Variants in NAALADL2 observed in about 807,000 individuals in gnomAD.
The protein encoded by NAALADL2 is inactive N-acetylated-alpha-linked acidic dipeptidase-like protein 2.
A neutral mutation model predicts 87.2 loss-of-function variants in NAALADL2; 76 were observed. That is an observed-to-expected ratio of 0.87 (90% CI 0.72 to 1.05). The LOEUF (loss-of-function observed/expected upper bound fraction) is 1.05, where lower values mean the gene tolerates loss of function less well. Ranked by LOEUF, NAALADL2 falls within the 50% of genes least tolerant of loss-of-function variation. The probability of loss-of-function intolerance (pLI) is 0.00; values close to 1 mark genes in which losing one functional copy is unlikely to be tolerated. For synonymous variants in NAALADL2, 354 were observed against 331.0 expected (o/e 1.07, Z -0.75); for missense variants, 1,089 against 945.8 (o/e 1.15, Z -1.99).
intron 1 of NAALADL2, among the ~76,000 whole-genome samples, chr3:175,085,202 T>C (rs892200618): frequency 6.6e-6 from 1 of 152,148 alleles, no homozygotes; most frequent in Admixed American, 6.6e-5. Flanking sequence ...ACTTGCATGA[T>C]TGAGGGCAAG....
chr3:175,555,869 A>G (rs570649487), intron 9 of NAALADL2, among the ~76,000 whole-genome samples: 1 of 152,310 alleles, frequency 6.6e-6, no homozygotes, highest in African/African-American at 2.4e-5. Flanking sequence ...TAGGATTCTT[A>G]GCGGAAAATT....
At chr3:175,198,856 C>A (rs1225280116) in intron 2 of NAALADL2, among the ~76,000 whole-genome samples, 2 of 150,466 alleles carry the variant, frequency 1.3e-5, no homozygotes, top group East Asian at 3.9e-4. Flanking sequence ...AAAATAAATA[C>A]AGTGAGTTTT....
intron 9 of NAALADL2, among the ~76,000 whole-genome samples, chr3:175,483,132 G>A (rs1582077834): frequency 2.0e-5 from 3 of 151,844 alleles, no homozygotes; most frequent in African/African-American, 7.2e-5. Flanking sequence ...AAATTGCTGT[G>A]TTATATATAA....
At chr3:175,130,654 G>C (rs759216873) in intron 2 of NAALADL2, among the ~76,000 whole-genome samples, 16 of 152,162 alleles carry the variant, frequency 1.1e-4, no homozygotes, top group Non-Finnish European at 2.4e-4. Context: ...TTGAACACCA[G>C]GAGGCCATTG....
At chr3:175,084,436 G>A (rs116134752) in intron 1 of NAALADL2, among the ~76,000 whole-genome samples, 2 of 152,196 alleles carry the variant, frequency 1.3e-5, no homozygotes, top group Non-Finnish European at 2.9e-5. Flanking sequence ...TGGTCTCAGG[G>A]CCTCTCCATA....
At chr3:175,418,096 T>TG (rs1428764562) in intron 5 of NAALADL2, among the ~76,000 whole-genome samples, 1 of 151,950 alleles carries the variant, frequency 6.6e-6, no homozygotes, top group Non-Finnish European at 1.5e-5. Flanking sequence ...AAAGGAGAGC[T>TG]GAAGTATAGG....
chr3:175,709,094 T>G (rs1047494343), intron 11 of NAALADL2, among the ~76,000 whole-genome samples: 1 of 152,072 alleles, frequency 6.6e-6, no homozygotes, highest in African/African-American at 2.4e-5. Flanking sequence ...GGTATCAAGA[T>G]CTCCACCAGT....
intron 4 of NAALADL2, among the ~76,000 whole-genome samples, chr3:175,311,919 T>C (rs1319052745): frequency 6.6e-6 from 1 of 152,176 alleles, no homozygotes; most frequent in Non-Finnish European, 1.5e-5. Flanking sequence ...GTAAAGCAAT[T>C]TGAAATCCTA....
chr3:174,937,761 G>C (rs1470118632), intron 1 of NAALADL2, among the ~76,000 whole-genome samples: 1 of 151,994 alleles, frequency 6.6e-6, no homozygotes, highest in Non-Finnish European at 1.5e-5. Context: ...CTTTAACAAA[G>C]CTAACCTAGT....
chr3:174,762,789 A>G (rs1398367126), intron 3 of NAALADL2, among the ~76,000 whole-genome samples: 3 of 152,206 alleles, frequency 2.0e-5, no homozygotes, highest in Admixed American at 1.3e-4. Flanking sequence ...ATACCAAATA[A>G]TAACTTTAAT....
intron 2 of NAALADL2, among the ~76,000 whole-genome samples, chr3:174,692,247 A>G (rs1199515848): frequency 1.3e-5 from 2 of 152,180 alleles, no homozygotes; most frequent in Admixed American, 1.3e-4. Flanking sequence ...TGCAGAATCG[A>G]TTTTGAAATC....
At chr3:175,173,068 A>C (rs1735095770) in intron 2 of NAALADL2, among the ~76,000 whole-genome samples, 1 of 151,890 alleles carries the variant, frequency 6.6e-6, no homozygotes, top group African/African-American at 2.4e-5. Flanking sequence ...GGGTGAGTGG[A>C]TCTCCTGAGC....
chr3:175,411,133 C>A (rs1292515403), intron 5 of NAALADL2, among the ~76,000 whole-genome samples: 1 of 152,088 alleles, frequency 6.6e-6, no homozygotes, highest in Non-Finnish European at 1.5e-5. Context: ...AAGATTTAAA[C>A]CACATGAGTG....
intron 11 of NAALADL2, among the ~76,000 whole-genome samples, chr3:175,716,380 T>A (rs1162978105): frequency 6.7e-6 from 1 of 148,620 alleles, no homozygotes; most frequent in African/African-American, 2.5e-5. Flanking sequence ...TGTATACATA[T>A]ACACACACAC....
chr3:175,324,506 T>A (rs1446780487), intron 5 of NAALADL2, among the ~76,000 whole-genome samples, 181 bp downstream of exon 5: 1 of 152,252 alleles, frequency 6.6e-6, no homozygotes, highest in East Asian at 1.9e-4. Context: ...TTTGTTGGTA[T>A]AAATTGGATT....
rs556183642 is a variant in NAALADL2, at chr3:175,518,585, G to C, written c.1653+46827G>C. Among the ~76,000 whole-genome samples the C allele has an allele frequency of 2.0e-5, 3 of 152,322 alleles. No homozygotes were observed. In the East Asian group the frequency reaches 5.8e-4, roughly 29 times the overall value. On this transcript the variant is annotated intron_variant, in intron 9 of 13. Coordinates refer to ENST00000454872, the MANE Select transcript of NAALADL2 (RefSeq NM_207015.3). ...GGTCATAGGGCCCCATCTGGCAAGA[G>C]CCTTCCTGCTGATGGGGACTCTCCA...
intron 2 of NAALADL2, among the ~76,000 whole-genome samples, chr3:175,140,958 C>T (rs774281227): frequency 1.3e-5 from 2 of 152,114 alleles, no homozygotes; most frequent in Non-Finnish European, 2.9e-5. Context: ...GGTAGATTTC[C>T]ACAGAGTGGA....
chr3:174,870,195 G>A (rs377473572), intron 1 of NAALADL2, among the ~76,000 whole-genome samples: 4 of 151,766 alleles, frequency 2.6e-5, no homozygotes, highest in African/African-American at 4.8e-5. Context: ...GTGTGATATC[G>A]CCCCCAAAAT....
chr3:175,801,490 T>G (rs1754137881), intron 13 of NAALADL2, among the ~76,000 whole-genome samples: 1 of 152,110 alleles, frequency 6.6e-6, no homozygotes, highest in African/African-American at 2.4e-5. Context: ...ATTTTGTGTC[T>G]TTGCTTATGC....
Sources: allele counts gnomAD v4.1 joint callset (sites outside exome capture counted in the v4.1 genomes callset), GRCh38; gene constraint gnomAD v4.1.1; transcripts MANE v1.5; gene names NCBI Gene and HGNC (gene_info 2026-07-23, HGNC 2026-07-21).